Variants in CCDC85B observed in about 807,000 individuals in gnomAD.
CCDC85B encodes coiled-coil domain-containing protein 85B.
In CCDC85B, 8 loss-of-function variants were observed where a neutral mutation model predicts 13.6. The observed-to-expected ratio is 0.59, with a 90% CI of 0.35 to 1.06. The LOEUF (loss-of-function observed/expected upper bound fraction) is 1.06. Ranked by LOEUF, CCDC85B falls within the 50% of genes least tolerant of loss-of-function variation. The pLI, the probability that CCDC85B is intolerant of heterozygous loss-of-function variation, is 0.02. For missense variants in CCDC85B, 217 were observed against 285.9 expected (o/e 0.76, Z 1.74); for synonymous variants, 118 against 135.9 (o/e 0.87, Z 0.92).
Position 65,890,731 on chromosome 11 carries a change from G to T in CCDC85B, c.-53G>T. ...CCTGAGTGGCGCCGGGCCCGACGTG[G>T]GGCTCCTGGGCCGCGGCGGCGGGCG... On this transcript the variant is annotated 5_prime_UTR_variant, in exon 1 of 1. Coordinates refer to ENST00000312579, the MANE Select transcript of CCDC85B (RefSeq NM_006848.3). 1.5e-6 allele frequency: 2 copies of T among 1,357,198 alleles called. No homozygotes were observed. The highest frequency in any genetic ancestry group is 1.9e-6 in the Non-Finnish European group (2 of 1,061,210). 84.1% of individuals were successfully genotyped at this position (1,357,198 alleles called of 1,614,324 possible). A position where few individuals can be genotyped will look rare whatever the true frequency, so the allele number is the denominator to read the frequency against.
chr11:65,891,551 G>C lies in CCDC85B; in HGVS notation c.*159G>C, dbSNP rs557197865. 1 of 811,950 alleles carries C rather than the reference G, an allele frequency of 1.2e-6. No homozygotes were observed. The highest frequency in any genetic ancestry group is 1.8e-6 in the Non-Finnish European group (1 of 561,022). The allele number at this position is 811,950 out of a possible 1,614,324, so 50.3% of individuals were successfully genotyped here. The stretch of plus-strand genomic sequence containing the variant: ...CCAAGAAGGGCCCCTCGCTCTTGCT[G>C]GCAGGGCAGCAGGGGGACTGAAGGC... On this transcript the variant is annotated 3_prime_UTR_variant, in exon 1 of 1. Coordinates refer to ENST00000312579, the MANE Select transcript of CCDC85B (RefSeq NM_006848.3). The surrounding 1 kb of genome is among the most constrained non-coding windows in gnomAD (Gnocchi z 7.3).
chr11:65,891,296 C>T lies in CCDC85B; in HGVS notation c.513C>T (p.Pro171=), dbSNP rs754236093. The T allele has an allele frequency of 7.0e-6, 11 of 1,578,250 alleles. No individual in the cohort carries two copies. The highest frequency in any genetic ancestry group is 4.1e-5 in the African/African-American group (3 of 72,552). The change falls in exon 1 of 1, where the codon CCC becomes CCT. Residue 171 remains proline (P), a synonymous_variant. Transcript: ENST00000312579. The surrounding 1 kb of genome is among the most constrained non-coding windows in gnomAD (Gnocchi z 7.3). The part of the protein sequence containing the change: ...GAGPAPELAL[P]PCGPRDLGDG... ...GGCCAGCACCCGAGCTTGCCTTGCC[C>T]CCGTGCGGGCCCCGCGACCTAGGCG...
chr11:65,890,705 G>A lies in CCDC85B; in HGVS notation c.-79G>A, dbSNP rs949019356. 10 of 1,336,590 alleles carry A rather than the reference G, an allele frequency of 7.5e-6. No homozygotes were observed. The highest frequency in any genetic ancestry group is 4.6e-5 in the African/African-American group (3 of 64,566). 82.8% of individuals were successfully genotyped at this position (1,336,590 alleles called of 1,614,324 possible). A position where few individuals can be genotyped will look rare whatever the true frequency, so the allele number is the denominator to read the frequency against. On this transcript the variant is annotated 5_prime_UTR_variant, in exon 1 of 1. Transcript: ENST00000312579. ...TGCCGCGTGCGGAGCCGGAGCCCGA[G>A]CCTGAGTGGCGCCGGGCCCGACGTG...
At position 65,891,466 on chromosome 11, in the gene CCDC85B, C is replaced by T. The variant is rs1352786934; in HGVS notation, c.*74C>T. The T allele has an allele frequency of 1.6e-5, 23 of 1,446,342 alleles. No homozygotes were observed. Among genetic ancestry groups the T allele is most frequent in the Non-Finnish European group, 2.1e-5 (23 of 1,096,890 alleles). 89.6% of individuals were successfully genotyped at this position (1,446,342 alleles called of 1,614,324 possible). A position where few individuals can be genotyped will look rare whatever the true frequency, so the allele number is the denominator to read the frequency against. On this transcript the variant is annotated 3_prime_UTR_variant, in exon 1 of 1. Coordinates refer to ENST00000312579, the MANE Select transcript of CCDC85B (RefSeq NM_006848.3). The surrounding 1 kb of genome is among the most constrained non-coding windows in gnomAD (Gnocchi z 7.3). ...CCCGGGACCGCTGTGGACCTCGGGA[C>T]CTGGACGCCGTCCTGGCTGCGCAGG...
Position 65,890,725 on chromosome 11 carries a change from G to T in CCDC85B, c.-59G>T. 1 of 1,352,288 alleles carries T rather than the reference G, an allele frequency of 7.4e-7. No individual in the cohort carries two copies. The highest frequency in any genetic ancestry group is 1.8e-5 in the South Asian group (1 of 56,600). The allele number at this position is 1,352,288 out of a possible 1,614,324, so 83.8% of individuals were successfully genotyped here. A position where few individuals can be genotyped will look rare whatever the true frequency, so the allele number is the denominator to read the frequency against. On this transcript the variant is annotated 5_prime_UTR_variant, in exon 1 of 1. Coordinates refer to ENST00000312579, the MANE Select transcript of CCDC85B (RefSeq NM_006848.3). ...CCCGAGCCTGAGTGGCGCCGGGCCCGACGTGGGGCTCCTGGGCCGCGGCGG... is the reference window on the plus strand; with the variant it reads ...CCCGAGCCTGAGTGGCGCCGGGCCCTACGTGGGGCTCCTGGGCCGCGGCGG...
chr11:65,891,630 A>T lies in CCDC85B; in HGVS notation c.*238A>T. ...ATTGGGGGTAATAAACCCGGACGGA[A>T]GCGGAGCCCACGGCCTGGGCAGCGT... On this transcript the variant is annotated 3_prime_UTR_variant, in exon 1 of 1. Coordinates refer to ENST00000312579, the MANE Select transcript of CCDC85B (RefSeq NM_006848.3). The surrounding 1 kb of genome is among the most constrained non-coding windows in gnomAD (Gnocchi z 7.3). 1 of 457,084 alleles carries T rather than the reference A, an allele frequency of 2.2e-6. No individual in the cohort carries two copies. The allele number at this position is 457,084 out of a possible 1,614,324, so 28.3% of individuals were successfully genotyped here. A position where few individuals can be genotyped will look rare whatever the true frequency, so the allele number is the denominator to read the frequency against.
In CCDC85B at chr11:65,890,688, GCGGAGC is replaced by G; in HGVS notation, c.-88_-83del. On this transcript the variant is annotated 5_prime_UTR_variant, in exon 1 of 1. Transcript: ENST00000312579. ...CTGCCTCGGCCACTGCCTGCCGCGT[GCGGAGC>G]CGGAGCCCGAGCCTGAGTGGCGCCG... is the stretch of plus-strand genomic sequence containing the variant. 3.9e-6 allele frequency: 5 copies of G among 1,288,410 alleles called. No individual in the cohort carries two copies. The highest frequency in any genetic ancestry group is 4.9e-6 in the Non-Finnish European group (5 of 1,012,980). The allele number at this position is 1,288,410 out of a possible 1,614,324, so 79.8% of individuals were successfully genotyped here. A position where few individuals can be genotyped will look rare whatever the true frequency, so the allele number is the denominator to read the frequency against.
rs914868530 is a variant in CCDC85B, at chr11:65,891,575, G to C, written c.*183G>C. On this transcript the variant is annotated 3_prime_UTR_variant, in exon 1 of 1. Transcript: ENST00000312579. This position sits in a 1 kb window ranked among gnomAD's most constrained non-coding sequence, Gnocchi z 7.3. ...TGGCAGGGCAGCAGGGGGACTGAAG[G>C]CTGGAGCGGAGGGACTTGCTGGGGG... The C allele has an allele frequency of 1.5e-5, 10 of 665,384 alleles. No homozygotes were observed. The highest frequency in any genetic ancestry group is 2.3e-5 in the Non-Finnish European group (10 of 430,530). 41.2% of individuals were successfully genotyped at this position (665,384 alleles called of 1,614,324 possible).
Position 65,891,417 on chromosome 11 carries a change from G to A in CCDC85B, c.*25G>A. On this transcript the variant is annotated 3_prime_UTR_variant, in exon 1 of 1. Transcript: ENST00000312579. This position sits in a 1 kb window ranked among gnomAD's most constrained non-coding sequence, Gnocchi z 7.3. The stretch of plus-strand genomic sequence containing the variant: ...AAGGCACTGCTTCCTCCACGCCGAC[G>A]CCCGCCCGGATTGCTCCCCGAGCCC... The A allele has an allele frequency of 6.5e-7, 1 of 1,532,412 alleles. No homozygotes were observed. Among genetic ancestry groups the A allele is most frequent in the Non-Finnish European group, 8.7e-7 (1 of 1,144,400 alleles). 94.9% of individuals were successfully genotyped at this position (1,532,412 alleles called of 1,614,324 possible). A position where few individuals can be genotyped will look rare whatever the true frequency, so the allele number is the denominator to read the frequency against.
rs747145882 is a variant in CCDC85B at position 65,890,919 on chromosome 11, A to G, written c.136A>G (p.Met46Val). ...GGCACTGGTGCAGCGCGGCCGCCTC[A>G]TGCAGGAGGTGAATCGGCAGCTGCA... ...LAALVQRGRLMQEVNRQLQGH... is the reference protein window; with the variant it reads ...LAALVQRGRLVQEVNRQLQGH... Residue 46 changes from methionine to valine, a missense_variant, in exon 1 of 1, where the codon ATG becomes GTG. Transcript: ENST00000312579. 1.3e-6 allele frequency: 2 copies of G among 1,529,498 alleles called. No homozygotes were observed. The highest frequency in any genetic ancestry group is 2.5e-5 in the East Asian group (1 of 40,062). 94.7% of individuals were successfully genotyped at this position (1,529,498 alleles called of 1,614,324 possible).
At position 65,891,475 on chromosome 11, in the gene CCDC85B, C is replaced by A; in HGVS notation, c.*83C>A. ...GCTGTGGACCTCGGGACCTGGACGC[C>A]GTCCTGGCTGCGCAGGAGGGGCCGC... On this transcript the variant is annotated 3_prime_UTR_variant, in exon 1 of 1. Coordinates refer to ENST00000312579, the MANE Select transcript of CCDC85B (RefSeq NM_006848.3). This position sits in a 1 kb window ranked among gnomAD's most constrained non-coding sequence, Gnocchi z 7.3. 2.1e-6 allele frequency: 3 copies of A among 1,421,518 alleles called. No homozygotes were observed. The highest frequency in any genetic ancestry group is 2.8e-6 in the Non-Finnish European group (3 of 1,080,690). 88.1% of individuals were successfully genotyped at this position (1,421,518 alleles called of 1,614,324 possible).
chr11:65,890,986 G>A lies in CCDC85B; in HGVS notation c.203G>A (p.Arg68Gln), dbSNP rs1399096958. 1.3e-6 allele frequency: 2 copies of A among 1,534,812 alleles called. No homozygotes were observed. ...GEIRELKQLNRRLQAENRELR... is the reference protein window; with the variant it reads ...GEIRELKQLNQRLQAENRELR... ...ATCCGCGAGCTCAAGCAGCTCAACC[G>A]GCGTCTGCAGGCAGAGAACCGTGAG... Residue 68 changes from arginine to glutamine, a missense_variant, in exon 1 of 1, where the codon CGG (arginine) becomes CAG (glutamine). Transcript: ENST00000312579.
chr11:65,891,116 GGAC>G lies in CCDC85B; in HGVS notation c.334_336del (p.Asp112del). On this transcript the variant is annotated inframe_deletion, in exon 1 of 1. Coordinates refer to ENST00000312579, the MANE Select transcript of CCDC85B (RefSeq NM_006848.3). This position sits in a 1 kb window ranked among gnomAD's most constrained non-coding sequence, Gnocchi z 7.3. ...CCCAAGCATCCCGGGCCGTGCGCGAGGACCTGGGCGGCTGTTGGCAGAAGCTGG... is the reference window on the plus strand; with the variant it reads ...CCCAAGCATCCCGGGCCGTGCGCGAGCTGGGCGGCTGTTGGCAGAAGCTGG... The G allele has an allele frequency of 6.4e-7, 1 of 1,570,806 alleles. No homozygotes were observed. Among genetic ancestry groups the G allele is most frequent in the Non-Finnish European group, 8.6e-7 (1 of 1,163,262 alleles).
In CCDC85B at chr11:65,890,704, A is replaced by T; in HGVS notation, c.-80A>T. 1 of 1,335,436 alleles carries T rather than the reference A, an allele frequency of 7.5e-7. No individual in the cohort carries two copies. The highest frequency in any genetic ancestry group is 9.6e-7 in the Non-Finnish European group (1 of 1,046,186). 82.7% of individuals were successfully genotyped at this position (1,335,436 alleles called of 1,614,324 possible). A position where few individuals can be genotyped will look rare whatever the true frequency, so the allele number is the denominator to read the frequency against. ...CTGCCGCGTGCGGAGCCGGAGCCCGAGCCTGAGTGGCGCCGGGCCCGACGT... is the reference window on the plus strand; with the variant it reads ...CTGCCGCGTGCGGAGCCGGAGCCCGTGCCTGAGTGGCGCCGGGCCCGACGT... On this transcript the variant is annotated 5_prime_UTR_variant, in exon 1 of 1. Coordinates refer to ENST00000312579, the MANE Select transcript of CCDC85B (RefSeq NM_006848.3).
In CCDC85B at chr11:65,891,394, G is replaced by C; in HGVS notation, c.*2G>C. 6.4e-7 allele frequency: 1 copy of C among 1,566,942 alleles called. No homozygotes were observed. The highest frequency in any genetic ancestry group is 8.6e-7 in the Non-Finnish European group (1 of 1,160,276). On this transcript the variant is annotated 3_prime_UTR_variant, in exon 1 of 1. Transcript: ENST00000312579. This position sits in a 1 kb window ranked among gnomAD's most constrained non-coding sequence, Gnocchi z 7.3. ...CTGGCCTGTTCCCCCGATGATTGAA[G>C]GCACTGCTTCCTCCACGCCGACGCC...
At position 65,890,897 on chromosome 11, in the gene CCDC85B, A is replaced by C. The variant is rs1312079766; in HGVS notation, c.114A>C (p.Ala38=). The C allele has an allele frequency of 5.2e-6, 8 of 1,526,010 alleles. No homozygotes were observed. Among genetic ancestry groups the C allele is most frequent in the Non-Finnish European group, 7.0e-6 (8 of 1,143,246 alleles). The allele number at this position is 1,526,010 out of a possible 1,614,324, so 94.5% of individuals were successfully genotyped here. Residue 38 remains alanine (A), a synonymous_variant, in exon 1 of 1, where the codon GCA becomes GCC. Transcript: ENST00000312579. The part of the protein sequence containing the change: ...LRREEAARLA[A]LVQRGRLMQE... The stretch of plus-strand genomic sequence containing the variant: ...GGGAGGAGGCGGCGCGCCTGGCGGC[A>C]CTGGTGCAGCGCGGCCGCCTCATGC...
rs1238102223 is a variant in CCDC85B, at chr11:65,891,410, C to G, written c.*18C>G. On this transcript the variant is annotated 3_prime_UTR_variant, in exon 1 of 1. Coordinates refer to ENST00000312579, the MANE Select transcript of CCDC85B (RefSeq NM_006848.3). This position sits in a 1 kb window ranked among gnomAD's most constrained non-coding sequence, Gnocchi z 7.3. Reference sequence around the variant, plus strand: ...ATGATTGAAGGCACTGCTTCCTCCACGCCGACGCCCGCCCGGATTGCTCCC... The same window carrying G: ...ATGATTGAAGGCACTGCTTCCTCCAGGCCGACGCCCGCCCGGATTGCTCCC... 3 of 1,537,236 alleles carry G rather than the reference C, an allele frequency of 2.0e-6. No individual in the cohort carries two copies. The Admixed American group carries it at 6.2e-5, about 32-fold the overall frequency.
Position 65,891,488 on chromosome 11 carries a change from C to A in CCDC85B, c.*96C>A. ...GGACCTGGACGCCGTCCTGGCTGCG[C>A]AGGAGGGGCCGCTGGCATGGACTAA... On this transcript the variant is annotated 3_prime_UTR_variant, in exon 1 of 1. Coordinates refer to ENST00000312579, the MANE Select transcript of CCDC85B (RefSeq NM_006848.3). This position sits in a 1 kb window ranked among gnomAD's most constrained non-coding sequence, Gnocchi z 7.3. 2 of 1,348,516 alleles carry A rather than the reference C, an allele frequency of 1.5e-6. No homozygotes were observed. Among genetic ancestry groups the A allele is most frequent in the Non-Finnish European group, 9.8e-7 (1 of 1,022,258 alleles). The allele number at this position is 1,348,516 out of a possible 1,614,324, so 83.5% of individuals were successfully genotyped here.
Position 65,891,489 on chromosome 11 carries a change from A to G in CCDC85B, c.*97A>G. On this transcript the variant is annotated 3_prime_UTR_variant, in exon 1 of 1. Transcript: ENST00000312579. The surrounding 1 kb of genome is among the most constrained non-coding windows in gnomAD (Gnocchi z 7.3). ...GACCTGGACGCCGTCCTGGCTGCGCAGGAGGGGCCGCTGGCATGGACTAAG... is the reference window on the plus strand; with the variant it reads ...GACCTGGACGCCGTCCTGGCTGCGCGGGAGGGGCCGCTGGCATGGACTAAG... 7.4e-7 allele frequency: 1 copy of G among 1,352,104 alleles called. No individual in the cohort carries two copies. Among genetic ancestry groups the G allele is most frequent in the Non-Finnish European group, 9.8e-7 (1 of 1,025,446 alleles). 83.8% of individuals were successfully genotyped at this position (1,352,104 alleles called of 1,614,324 possible). A position where few individuals can be genotyped will look rare whatever the true frequency, so the allele number is the denominator to read the frequency against.
Sources: allele counts gnomAD v4.1 joint callset, GRCh38; gene constraint gnomAD v4.1.1; non-coding constraint Gnocchi (gnomAD v3.1); transcripts MANE v1.5; gene names NCBI Gene and HGNC (gene_info 2026-07-23, HGNC 2026-07-21).